The following ENOX1 variants were observed in gnomAD, a reference collection of about 807,000 sequenced individuals.
ENOX1 encodes the protein candidate growth-related and time keeping constitutive hydroquinone (NADH) oxidase.
ENOX1 carries 42 observed loss-of-function variants against 82.5 expected under a neutral mutation model. The observed-to-expected ratio is 0.51, with a 90% CI of 0.40 to 0.66. The LOEUF is 0.66. Ranked by LOEUF, ENOX1 falls within the 30% of genes least tolerant of loss-of-function variation. ENOX1 has a pLI of 0.00. For synonymous variants in ENOX1, 271 were observed against 282.2 expected (o/e 0.96, Z 0.40); for missense variants, 608 against 811.6 (o/e 0.75, Z 3.05).
chr13:43,266,420 G>A (rs2044373276), intron 13 of ENOX1, among the ~76,000 whole-genome samples: 1 of 152,060 alleles, frequency 6.6e-6, no homozygotes, highest in Admixed American at 6.5e-5. Context: ...TTTAAGGCCA[G>A]TCTTAAACTC....
chr13:43,717,984 A>G (rs1014568094), intron 1 of ENOX1, among the ~76,000 whole-genome samples: 1 of 152,226 alleles, frequency 6.6e-6, no homozygotes, highest in Non-Finnish European at 1.5e-5. Flanking sequence ...AGATTTCTCA[A>G]AAAAGTTATA....
At chr13:43,662,588 T>C (rs2084788504) in intron 2 of ENOX1, among the ~76,000 whole-genome samples, 1 of 152,186 alleles carries the variant, frequency 6.6e-6, no homozygotes, top group Non-Finnish European at 1.5e-5. Flanking sequence ...CAATTATTCT[T>C]CCCTCTAAGA....
At chr13:43,358,846 C>T (rs989238917) in intron 7 of ENOX1, among the ~76,000 whole-genome samples, 27 of 152,132 alleles carry the variant, frequency 1.8e-4, no homozygotes, top group African/African-American at 6.5e-4. Context: ...GCTTTGTCTT[C>T]CTTCTCCATT....
intron 14 of ENOX1, among the ~76,000 whole-genome samples, chr13:43,246,906 G>A (rs2153464912): frequency 6.6e-6 from 1 of 152,306 alleles, no homozygotes; most frequent in South Asian, 2.1e-4. Flanking sequence ...CCATTCTGAA[G>A]GAAGAATGGA....
chr13:43,454,470 A>G (rs2057125300), intron 3 of ENOX1, among the ~76,000 whole-genome samples: 1 of 152,174 alleles, frequency 6.6e-6, no homozygotes, highest in Non-Finnish European at 1.5e-5. Context: ...TATGCTATTT[A>G]CATCCCTATA....
At chr13:43,767,630 T>C (rs548946424) in intron 1 of ENOX1, among the ~76,000 whole-genome samples, 1 of 152,354 alleles carries the variant, frequency 6.6e-6, no homozygotes, top group African/African-American at 2.4e-5. Flanking sequence ...ACAGCAGATA[T>C]GCTGTAATGG....
intron 2 of ENOX1, among the ~76,000 whole-genome samples, chr13:43,616,204 A>ATATATATATATATATATATATATATAT (rs1457149422): frequency 6.5e-5 from 1 of 15,318 alleles, no homozygotes; most frequent in Non-Finnish European, 2.1e-4. Context: ...ATATATATAT[A>ATATATATATATATATATATATATATAT]TTTTTTTTTT....
At chr13:43,345,379 A>C (rs1269661625) in intron 8 of ENOX1, among the ~76,000 whole-genome samples, 1 of 152,250 alleles carries the variant, frequency 6.6e-6, no homozygotes, top group Non-Finnish European at 1.5e-5. Flanking sequence ...TTTCCACAAA[A>C]GAGAACATGT....
rs566347603 is a variant in ENOX1, at chr13:43,494,494, CA to C, written c.-218-10343del. Among the ~76,000 whole-genome samples the C allele has an allele frequency of 1.0e-3, 154 of 152,322 alleles. 1 individual carries two copies. Among genetic ancestry groups the C allele is most frequent in the African/African-American group, 3.6e-3 (151 of 41,580 alleles). On this transcript the variant is annotated intron_variant, in intron 2 of 16. Coordinates refer to ENST00000690772, the MANE Select transcript of ENOX1 (RefSeq NM_001347969.2). Reference sequence around the variant, plus strand: ...CATATAACCTAAGAAAATGACGGAACAGTCCCCCAACTAACTTATTGTTTAC... The same window carrying C: ...CATATAACCTAAGAAAATGACGGAACGTCCCCCAACTAACTTATTGTTTAC...
rs2077847605 is a variant in ENOX1, at chr13:43,523,215, A to G, written c.-218-39063T>C. 2.0e-5 allele frequency among the ~76,000 whole-genome samples: 3 copies of G among 152,170 alleles called. No homozygotes were observed. In the South Asian group the frequency reaches 6.2e-4, roughly 32 times the overall value. Reference sequence around the variant, plus strand: ...CAGAATAATCTGAGGTGCATATTAAAAACCCAAGTTCCTTGAACCTAACCC... The same window carrying G: ...CAGAATAATCTGAGGTGCATATTAAGAACCCAAGTTCCTTGAACCTAACCC... On this transcript the variant is annotated intron_variant, in intron 2 of 16. Coordinates refer to ENST00000690772, the MANE Select transcript of ENOX1 (RefSeq NM_001347969.2).
intron 11 of ENOX1, among the ~76,000 whole-genome samples, chr13:43,318,633 G>A (rs577690184): frequency 3.5e-4 from 54 of 152,248 alleles, no homozygotes; most frequent in Non-Finnish European, 7.1e-4. Context: ...TCAACTTCTG[G>A]GACAAAGGCA....
chr13:43,713,330 G>A (rs1252077394), intron 1 of ENOX1, among the ~76,000 whole-genome samples: 1 of 152,118 alleles, frequency 6.6e-6, no homozygotes, highest in Admixed American at 6.5e-5. Context: ...TTTTATTGAG[G>A]ATTTTTGCAT....
At chr13:43,269,433 G>C (rs41288327) in intron 13 of ENOX1, 37 bp downstream of exon 13, 4 of 1,520,866 alleles carry the variant, frequency 2.6e-6, no homozygotes, top group Non-Finnish European at 3.7e-6. Flanking sequence ...GGGGTGTTTG[G>C]ACTGATTCAT....
At chr13:43,701,380 C>G (rs1248066755) in intron 1 of ENOX1, among the ~76,000 whole-genome samples, 2 of 152,136 alleles carry the variant, frequency 1.3e-5, no homozygotes. Context: ...AGGTACAAAG[C>G]TGGGTGCACA....
chr13:43,486,569 A>G (rs947275568), intron 2 of ENOX1, among the ~76,000 whole-genome samples: 3 of 152,234 alleles, frequency 2.0e-5, no homozygotes, highest in African/African-American at 7.2e-5. Context: ...GAACACTGCA[A>G]TAATCAAGAT....
At chr13:43,332,611 CAG>C (rs962712382) in intron 9 of ENOX1, among the ~76,000 whole-genome samples, 1 of 152,102 alleles carries the variant, frequency 6.6e-6, no homozygotes, top group Non-Finnish European at 1.5e-5. Context: ...TCAAATAAAA[CAG>C]AAAGATATTA....
At chr13:43,593,713 CACACACACACAG>C (rs1306207383) in intron 2 of ENOX1, among the ~76,000 whole-genome samples, 22 of 140,966 alleles carry the variant, frequency 1.6e-4, no homozygotes, top group Non-Finnish European at 2.6e-4. Context: ...CACACACACA[CACACACACACAG>C]GCACTCCCTT....
intron 1 of ENOX1, among the ~76,000 whole-genome samples, chr13:43,726,942 A>G (rs1022696928): frequency 2.6e-5 from 4 of 152,070 alleles, no homozygotes; most frequent in Middle Eastern, 3.2e-3. Context: ...GGGTTTCACC[A>G]TGTTGGTTAG....
intron 2 of ENOX1, among the ~76,000 whole-genome samples, chr13:43,555,164 C>A (rs1279587992): frequency 6.6e-6 from 1 of 152,114 alleles, no homozygotes; most frequent in Admixed American, 6.5e-5. Flanking sequence ...CCAAAGCTTT[C>A]ATGAGTAAAA....
Sources: gnomAD v4.1 joint callset for allele counts (sites outside exome capture counted in the v4.1 genomes callset) on GRCh38, gnomAD v4.1.1 for gene constraint, MANE v1.5 for transcripts, NCBI Gene and HGNC (gene_info 2026-07-23, HGNC 2026-07-21) for gene names.